CTDSPL: variants seen among roughly 807,000 people sequenced by gnomAD.
The protein encoded by CTDSPL is CTD small phosphatase like, also known as CTD small phosphatase-like protein.
A neutral mutation model predicts 30.5 loss-of-function variants in CTDSPL; 8 were observed. The observed-to-expected ratio is 0.26, with a 90% confidence interval of 0.15 to 0.47. CTDSPL has a LOEUF of 0.47. Ranked by LOEUF, CTDSPL falls within the 20% of genes least tolerant of loss-of-function variation. CTDSPL has a pLI of 0.99. For synonymous variants in CTDSPL, 110 were observed against 137.9 expected, an observed-to-expected ratio of 0.80 and a Z score of 1.42; for missense variants, 248 against 366.1, an observed-to-expected ratio of 0.68 and a Z score of 2.63.
Position 37,982,942 on chromosome 3 carries a change from G to A in CTDSPL, c.*2075G>A. ...CCATGCCCCCTTCGTTGGCATCACA[G>A]GGCCTTATTTGGAAGAGCGGGCAAA... On this transcript the variant is annotated 3_prime_UTR_variant, in exon 8 of 8. Transcript: ENST00000273179. 5.0e-6 allele frequency: 1 copy of A among 199,098 alleles called. No homozygotes were observed. The highest frequency in any genetic ancestry group is 1.1e-5 in the Non-Finnish European group (1 of 93,874). The allele number at this position is 199,098 out of a possible 1,614,324, so 12.3% of individuals were successfully genotyped here.
intron 7 of CTDSPL, among the ~76,000 whole-genome samples, chr3:37,977,558 T>G (rs917183814): frequency 6.6e-6 from 1 of 151,888 alleles, no homozygotes; most frequent in African/African-American, 2.4e-5. Flanking sequence ...AGAGCTCTAC[T>G]GCTTGATTAG....
intron 3 of CTDSPL, 58 bp from the exon 4 acceptor site, chr3:37,964,513 A>G: frequency 2.6e-6 from 3 of 1,172,350 alleles, no homozygotes; most frequent in Non-Finnish European, 3.8e-6. Flanking sequence ...AGTATAATGC[A>G]ATACTGATTG....
intron 1 of CTDSPL, among the ~76,000 whole-genome samples, chr3:37,926,347 A>G (rs1698781432): frequency 6.6e-6 from 1 of 152,236 alleles, no homozygotes; most frequent in East Asian, 1.9e-4. Flanking sequence ...TCCAGCCCAC[A>G]TGAGAAACAC....
chr3:37,978,177 C>T (rs1056138690), intron 7 of CTDSPL, among the ~76,000 whole-genome samples: 15 of 152,184 alleles, frequency 9.9e-5, no homozygotes, highest in Non-Finnish European at 1.6e-4. Context: ...GGTGTTCTAG[C>T]GGCCTCCAAA....
chr3:37,958,878 T>G (rs910621298), intron 3 of CTDSPL, among the ~76,000 whole-genome samples: 1 of 152,194 alleles, frequency 6.6e-6, no homozygotes, highest in Non-Finnish European at 1.5e-5. Context: ...ACTGACTGCT[T>G]AGCATATAGG....
At position 37,906,417 on chromosome 3, in the gene CTDSPL, C is replaced by T. The variant is rs76813982; in HGVS notation, c.80-40640C>T. On this transcript the variant is annotated intron_variant, in intron 1 of 7. Coordinates refer to ENST00000273179, the MANE Select transcript of CTDSPL (RefSeq NM_001008392.2). ...TTCGGTCCGTTCTATAAATGCTTCC[C>T]TTATTAAAGTCTCCTCAGATTACTC... 1.0e-3 allele frequency among the ~76,000 whole-genome samples: 158 copies of T among 152,292 alleles called. 1 individual carries two copies. The highest frequency in any genetic ancestry group is 3.5e-3 in the African/African-American group (147 of 41,574).
intron 1 of CTDSPL, among the ~76,000 whole-genome samples, chr3:37,923,817 A>G (rs1698748108): frequency 6.6e-6 from 1 of 151,716 alleles, no homozygotes; most frequent in African/African-American, 2.4e-5. Context: ...ATGAAACAAC[A>G]CACTTATAAA....
At chr3:37,908,861 G>A (rs1229112231) in intron 1 of CTDSPL, among the ~76,000 whole-genome samples, 1 of 152,116 alleles carries the variant, frequency 6.6e-6, no homozygotes, top group African/African-American at 2.4e-5. Flanking sequence ...TTAATAGTGA[G>A]GTTGAAAATT....
Position 37,947,164 on chromosome 3 carries a change from C to G in CTDSPL, c.187C>G (p.Pro63Ala), listed in dbSNP as rs761930337. ...TGTGGAGGCCCCTCCACCCAGCAGC[C>G]CCAGTGTGCTTCCGCCACTGGTGGA... ...YNVEAPPPSS[P>A]SVLPPLVEEN... Residue 63 changes from proline (P) to alanine (A), a missense_variant, in exon 2 of 8, where the codon CCC becomes GCC. Pro to Ala is a conservative substitution (Grantham distance 27). Around this residue, in one of 4 missense-constraint regions of CTDSPL, gnomAD observed 118 missense variants for 124.7 expected, o/e 0.95. Transcript: ENST00000273179. 3.1e-6 allele frequency: 5 copies of G among 1,612,814 alleles called. No individual in the cohort carries two copies. The highest frequency in any genetic ancestry group is 4.2e-6 in the Non-Finnish European group (5 of 1,179,954).
At chr3:37,872,903 G>T (rs1698092976) in intron 1 of CTDSPL, among the ~76,000 whole-genome samples, 1 of 152,120 alleles carries the variant, frequency 6.6e-6, no homozygotes, top group Non-Finnish European at 1.5e-5. Context: ...CTGCTGCTGG[G>T]CAGGAAGAGA....
At chr3:37,968,396 G>A (rs1366235016) in intron 5 of CTDSPL, 8 of 295,944 alleles carry the variant, frequency 2.7e-5, no homozygotes, top group Middle Eastern at 4.1e-4. Flanking sequence ...TTTCGGATCC[G>A]CAGGCTGCTA....
At chr3:37,880,136 G>T (rs1698186612) in intron 1 of CTDSPL, among the ~76,000 whole-genome samples, 1 of 146,382 alleles carries the variant, frequency 6.8e-6, no homozygotes, top group Non-Finnish European at 1.5e-5. Context: ...ATAAAAATAA[G>T]ATATATATAT....
At chr3:37,952,316 C>G (rs1263207030) in intron 2 of CTDSPL, among the ~76,000 whole-genome samples, 1 of 152,116 alleles carries the variant, frequency 6.6e-6, no homozygotes, top group Non-Finnish European at 1.5e-5. Context: ...CATAAAAAGC[C>G]TGAGTCAGGT....
At position 37,975,588 on chromosome 3, in the gene CTDSPL, TA is replaced by T; in HGVS notation, c.520-119del. On this transcript the variant is annotated intron_variant, in intron 6 of 7. Transcript: ENST00000273179. The surrounding 1 kb of genome is among the most constrained non-coding windows in gnomAD (Gnocchi z 4.9). ...ACGGAGAGGAAAATAACCAGGATCC[TA>T]AGACACATCTAATTATTAAATCCAT... 1 of 856,456 alleles carries T rather than the reference TA, an allele frequency of 1.2e-6. No individual in the cohort carries two copies. The highest frequency in any genetic ancestry group is 1.8e-6 in the Non-Finnish European group (1 of 552,830). 53.1% of individuals were successfully genotyped at this position (856,456 alleles called of 1,614,324 possible). A position where few individuals can be genotyped will look rare whatever the true frequency, so the allele number is the denominator to read the frequency against.
chr3:37,902,365 T>C (rs1032081868), intron 1 of CTDSPL, among the ~76,000 whole-genome samples: 1 of 151,912 alleles, frequency 6.6e-6, no homozygotes, highest in Non-Finnish European at 1.5e-5. Context: ...CCCCAGGGGA[T>C]GGGAGCTCCT....
At chr3:37,876,383 C>G (rs1698134566) in intron 1 of CTDSPL, among the ~76,000 whole-genome samples, 1 of 152,170 alleles carries the variant, frequency 6.6e-6, no homozygotes, top group Non-Finnish European at 1.5e-5. Context: ...AGAGTATTTC[C>G]ATCACCCCCA....
At chr3:37,895,354 CA>C (rs1350045689) in intron 1 of CTDSPL, among the ~76,000 whole-genome samples, 1 of 152,178 alleles carries the variant, frequency 6.6e-6, no homozygotes, top group African/African-American at 2.4e-5. Context: ...CCCATGCATG[CA>C]TAGTTCAGTG....
Position 37,922,546 on chromosome 3 carries a change from T to G in CTDSPL, c.80-24511T>G, listed in dbSNP as rs139015742. On this transcript the variant is annotated intron_variant, in intron 1 of 7. Coordinates refer to ENST00000273179, the MANE Select transcript of CTDSPL (RefSeq NM_001008392.2). ...CATGGGGAGATTCTCCCTTCTCAGC[T>G]CAGAGTGTCTTTTTATTAAAGCAGC... Among the ~76,000 whole-genome samples, 611 of 152,340 alleles carry G rather than the reference T, an allele frequency of 4.0e-3. 3 individuals are homozygous for G. Among genetic ancestry groups the G allele is most frequent in the African/African-American group, 0.014 (583 of 41,586 alleles).
At chr3:37,868,175 G>A (rs529175875) in intron 1 of CTDSPL, among the ~76,000 whole-genome samples, 1 of 152,144 alleles carries the variant, frequency 6.6e-6, no homozygotes, top group East Asian at 1.9e-4. Flanking sequence ...GGCTAATGAT[G>A]TTGAACATCT....
Sources: allele counts gnomAD v4.1 joint callset (sites outside exome capture counted in the v4.1 genomes callset), GRCh38; gene constraint gnomAD v4.1.1; regional missense constraint gnomAD v4.1.1; non-coding constraint Gnocchi (gnomAD v3.1); transcripts MANE v1.5; gene names NCBI Gene and HGNC (gene_info 2026-07-23, HGNC 2026-07-21).